Variants in TUSC3 observed in about 807,000 individuals in gnomAD.
TUSC3 encodes the protein tumor suppressor candidate 3.
In TUSC3, 45 loss-of-function variants were observed where a neutral mutation model predicts 44.8. That is an observed-to-expected ratio of 1.00 (90% CI 0.79 to 1.29). The LOEUF (loss-of-function observed/expected upper bound fraction) is 1.29. Ranked by LOEUF, TUSC3 falls within the 50% of genes most tolerant of loss-of-function variation. TUSC3 has a pLI of 0.00. For synonymous variants in TUSC3, 212 were observed against 152.9 expected (o/e 1.39, Z -2.85); for missense variants, 519 against 437.9 (o/e 1.19, Z -1.65).
At position 15,719,727 on chromosome 8, in the gene TUSC3, T is replaced by C. The variant is rs181883959; in HGVS notation, c.799-10939T>C. Among the ~76,000 whole-genome samples, 25 of 152,260 alleles carry C rather than the reference T, an allele frequency of 1.6e-4. No individual in the cohort carries two copies. In the East Asian group the frequency reaches 3.7e-3, roughly 22 times the overall value. On this transcript the variant is annotated intron_variant, in intron 6 of 10. Transcript: ENST00000503731. ...CTTTTCTAAAAACTTTAACTTATTA[T>C]AACTACCTTAATGAAGTAGAGATCC...
intron 1 of TUSC3, among the ~76,000 whole-genome samples, chr8:15,422,657 G>T (rs945973328): frequency 6.6e-6 from 1 of 151,948 alleles, no homozygotes; most frequent in Admixed American, 6.6e-5. Context: ...TGGTTGGTTG[G>T]TTGGTTGATT....
intron 2 of TUSC3, among the ~76,000 whole-genome samples, chr8:15,647,675 A>G (rs1420794911): frequency 6.6e-6 from 1 of 152,062 alleles, no homozygotes; most frequent in Non-Finnish European, 1.5e-5. Flanking sequence ...TTTCATTCAC[A>G]CTACCTTTTC....
chr8:15,603,481 C>T (rs1237369777), intron 1 of TUSC3, among the ~76,000 whole-genome samples: 3 of 151,326 alleles, frequency 2.0e-5, no homozygotes, highest in Admixed American at 6.6e-5. Context: ...ATTCTGTGGG[C>T]GTATTTGACA....
chr8:15,422,902 C>G (rs893191946), intron 1 of TUSC3, among the ~76,000 whole-genome samples: 25 of 152,104 alleles, frequency 1.6e-4, no homozygotes, highest in Non-Finnish European at 1.5e-5. Context: ...CTCGGCCTCC[C>G]AAAGTGCTGG....
chr8:15,813,354 T>C, the TUSC3 span, among the ~76,000 whole-genome samples: 12 of 149,678 alleles, frequency 8.0e-5, no homozygotes, highest in East Asian at 2.4e-3. Context: ...ATTAAGAGTA[T>C]TGGTGATGTA....
chr8:15,678,762 G>C (rs1430201426), intron 6 of TUSC3, among the ~76,000 whole-genome samples: 1 of 152,118 alleles, frequency 6.6e-6, no homozygotes, highest in Non-Finnish European at 1.5e-5. Context: ...AATTTTTTCA[G>C]CTTTTGGCCT....
intron 1 of TUSC3, among the ~76,000 whole-genome samples, chr8:15,432,471 G>C (rs1321586074): frequency 6.6e-6 from 1 of 152,040 alleles, no homozygotes; most frequent in Non-Finnish European, 1.5e-5. Context: ...TTAATTTTAA[G>C]TGTCATAATT....
intron 7 of TUSC3, among the ~76,000 whole-genome samples, chr8:15,737,822 C>A (rs533252973): frequency 3.3e-5 from 5 of 152,234 alleles, no homozygotes; most frequent in African/African-American, 1.2e-4. Context: ...CACGTAAGAA[C>A]AGTGAGAGAT....
intron 1 of TUSC3, among the ~76,000 whole-genome samples, chr8:15,611,243 A>G (rs1804748171): frequency 1.3e-5 from 2 of 152,116 alleles, no homozygotes; most frequent in African/African-American, 2.4e-5. Context: ...CTGGAGGGCA[A>G]TGGCGTGATC....
chr8:15,550,567 C>T (rs1802026516), intron 1 of TUSC3, among the ~76,000 whole-genome samples: 1 of 151,652 alleles, frequency 6.6e-6, no homozygotes, highest in Admixed American at 6.6e-5. Context: ...TCTTACCCTC[C>T]TACCCTGCCC....
At chr8:15,644,291 C>G (rs529085282) in intron 2 of TUSC3, among the ~76,000 whole-genome samples, 2 of 152,294 alleles carry the variant, frequency 1.3e-5, no homozygotes, top group African/African-American at 4.8e-5. Context: ...CGTGACTGCC[C>G]TCTTCAGGCT....
chr8:15,746,043 T>G (rs1811400530), intron 8 of TUSC3, among the ~76,000 whole-genome samples: 1 of 152,152 alleles, frequency 6.6e-6, no homozygotes, highest in Non-Finnish European at 1.5e-5. Context: ...CTTGTTTTTG[T>G]CAACTTTGTT....
At chr8:15,809,219 G>A in the TUSC3 span, among the ~76,000 whole-genome samples, 67 of 152,296 alleles carry the variant, frequency 4.4e-4, no homozygotes, top group African/African-American at 1.5e-3. Flanking sequence ...GGGCACCAGT[G>A]AGGGTGTGAG....
intron 1 of TUSC3, among the ~76,000 whole-genome samples, chr8:15,427,620 G>A (rs960675411): frequency 2.6e-5 from 4 of 152,078 alleles, no homozygotes; most frequent in East Asian, 3.9e-4. Context: ...CATTCCCGCT[G>A]TAAAGATTTT....
the TUSC3 span, among the ~76,000 whole-genome samples, chr8:15,809,763 G>A: frequency 2.0e-5 from 3 of 152,040 alleles, no homozygotes; most frequent in Non-Finnish European, 2.9e-5. Flanking sequence ...GTGCAACCAC[G>A]GATAAAAGAA....
intron 2 of TUSC3, among the ~76,000 whole-genome samples, chr8:15,501,528 C>A (rs1000924448): frequency 1.3e-5 from 2 of 152,176 alleles, no homozygotes; most frequent in African/African-American, 4.8e-5. Context: ...TTTATTGAAT[C>A]TGGAATCATG....
At chr8:15,780,216 G>A in the TUSC3 span, among the ~76,000 whole-genome samples, 4 of 152,280 alleles carry the variant, frequency 2.6e-5, no homozygotes, top group South Asian at 2.1e-4. Flanking sequence ...GGGCAACTAA[G>A]AATATCAACC....
chr8:15,675,756 A>G (rs1454440658), intron 6 of TUSC3, among the ~76,000 whole-genome samples: 1 of 152,268 alleles, frequency 6.6e-6, no homozygotes, highest in East Asian at 1.9e-4. Context: ...ATATTGCTGC[A>G]AAGGACATGA....
intron 9 of TUSC3, among the ~76,000 whole-genome samples, chr8:15,752,116 A>ATAATT (rs1351783005): frequency 2.0e-5 from 3 of 152,150 alleles, no homozygotes; most frequent in Admixed American, 6.6e-5. Context: ...TTGTATGGAA[A>ATAATT]TAATTTACAG....
Sources: gnomAD v4.1 joint callset for allele counts (sites outside exome capture counted in the v4.1 genomes callset) on GRCh38, gnomAD v4.1.1 for gene constraint, MANE v1.5 for transcripts, NCBI Gene and HGNC (gene_info 2026-07-23, HGNC 2026-07-21) for gene names.